PCDH15: variants seen among roughly 807,000 people sequenced by gnomAD.
The protein encoded by PCDH15 is protocadherin-15.
Under a neutral mutation model 178.5 loss-of-function variants are expected in PCDH15, and 129 were observed. The observed-to-expected ratio is 0.72, with a 90% CI of 0.63 to 0.84. The LOEUF is 0.84. PCDH15 is among the 40% of genes least tolerant of loss of function. The probability of loss-of-function intolerance (pLI) is 0.00; values close to 1 mark genes in which losing one functional copy is unlikely to be tolerated. For missense variants in PCDH15, 2,230 were observed against 2,099.9 expected (o/e 1.06, Z -1.21); for synonymous variants, 800 against 732.0 (o/e 1.09, Z -1.50).
intron 1 of PCDH15, among the ~76,000 whole-genome samples, chr10:55,289,717 G>T (rs1842961226): frequency 6.6e-6 from 1 of 151,976 alleles, no homozygotes; most frequent in Admixed American, 6.6e-5. Context: ...TGGTTTGAAT[G>T]TATCCCCCAA....
intron 12 of PCDH15, among the ~76,000 whole-genome samples, chr10:54,184,853 T>C (rs748764139): frequency 7.2e-5 from 11 of 152,060 alleles, no homozygotes; most frequent in Non-Finnish European, 1.5e-4. Context: ...TTTAAGACAA[T>C]TATGACTGTT....
chr10:55,266,595 A>T (rs900708230), intron 1 of PCDH15, among the ~76,000 whole-genome samples: 7 of 151,994 alleles, frequency 4.6e-5, no homozygotes, highest in African/African-American at 1.7e-4. Flanking sequence ...ACCTGTAAAA[A>T]CCCTGAGACC....
At chr10:54,092,231 C>G (rs112188156) in intron 15 of PCDH15, among the ~76,000 whole-genome samples, 9 of 152,092 alleles carry the variant, frequency 5.9e-5, no homozygotes. Flanking sequence ...CCAGATTTAC[C>G]TAAAATATCT....
intron 2 of PCDH15, among the ~76,000 whole-genome samples, chr10:54,962,234 T>C (rs1838675873): frequency 6.6e-6 from 1 of 150,462 alleles, no homozygotes; most frequent in African/African-American, 2.5e-5. Context: ...CAGACCTTGG[T>C]ATTCCCTAAG....
Position 53,806,653 on chromosome 10 carries a change from G to C in PCDH15, c.5149C>G (p.His1717Asp). 6.2e-7 allele frequency: 1 copy of C among 1,613,728 alleles called. No homozygotes were observed. Among genetic ancestry groups the C allele is most frequent in the Non-Finnish European group, 8.5e-7 (1 of 1,179,746 alleles). Residue 1717 changes from histidine to aspartate, a missense_variant, in exon 38 of 38, where the codon CAC becomes GAC. His to Asp is a moderately conservative substitution (Grantham distance 81). Coordinates refer to ENST00000644397, the MANE Select transcript of PCDH15 (RefSeq NM_001384140.1). ...IKEALEFHSD[H>D]TQSDDEELWM... ...AGCTCTTCATCATCAGACTGTGTGT[G>C]GTCACTATGAAATTCCAAAGCCTCC...
chr10:55,539,888 T>C (rs1004435786), intron 2 of PCDH15, among the ~76,000 whole-genome samples: 2 of 152,100 alleles, frequency 1.3e-5, no homozygotes, highest in Non-Finnish European at 2.9e-5. Flanking sequence ...TTTACAGATA[T>C]TAACTTAGTT....
chr10:54,036,535 T>C (rs574245169), intron 18 of PCDH15, among the ~76,000 whole-genome samples: 14 of 151,902 alleles, frequency 9.2e-5, no homozygotes, highest in Non-Finnish European at 1.9e-4. Flanking sequence ...GTTTACAGCA[T>C]AGTTTAGCAA....
chr10:53,834,860 A>G (rs556657412), intron 29 of PCDH15, among the ~76,000 whole-genome samples: 148 of 152,306 alleles, frequency 9.7e-4, no homozygotes, highest in African/African-American at 3.5e-3. Context: ...TGATACTGCA[A>G]TGTACATATG....
At chr10:55,460,151 A>G in intron 2 of PCDH15, among the ~76,000 whole-genome samples, 1 of 151,952 alleles carries the variant, frequency 6.6e-6, no homozygotes, top group Non-Finnish European at 1.5e-5. Context: ...ACCTGTTAAC[A>G]AAAGATATTG....
chr10:54,323,319 A>T (rs1436107330), intron 7 of PCDH15, among the ~76,000 whole-genome samples: 1 of 152,126 alleles, frequency 6.6e-6, no homozygotes, highest in Non-Finnish European at 1.5e-5. Context: ...TTCTCAAAGA[A>T]TTTAAAACCA....
Position 54,421,847 on chromosome 10 carries a change from C to CTATATA in PCDH15, c.158-42911_158-42906dup, listed in dbSNP as rs372564880. On this transcript the variant is annotated intron_variant, in intron 3 of 37. Coordinates refer to ENST00000644397, the MANE Select transcript of PCDH15 (RefSeq NM_001384140.1). ...ATATATATATATATATACACACACA[C>CTATATA]TATATATATATATATACACACACTA... 9.9e-3 allele frequency among the ~76,000 whole-genome samples: 923 copies of CTATATA among 93,482 alleles called. 26 individuals are homozygous for CTATATA. Among genetic ancestry groups the CTATATA allele is most frequent in the African/African-American group, 0.044 (736 of 16,842 alleles). 61.3% of individuals were successfully genotyped at this position (93,482 alleles called of 152,430 possible).
At chr10:54,316,832 C>T (rs2061306563) in intron 8 of PCDH15, among the ~76,000 whole-genome samples, 1 of 152,088 alleles carries the variant, frequency 6.6e-6, no homozygotes. Context: ...TTGTTAGCTC[C>T]TACCTTCAAA....
In PCDH15 at chr10:54,853,385, A is replaced by G. The variant is rs1591743332; in HGVS notation, c.-29+44065T>C. 1.1e-4 allele frequency among the ~76,000 whole-genome samples: 12 copies of G among 107,042 alleles called. No individual in the cohort carries two copies. In the Admixed American group the frequency reaches 1.3e-3, roughly 11 times the overall value. The allele number at this position is 107,042 out of a possible 152,430, so 70.2% of individuals were successfully genotyped here. Reference sequence around the variant, plus strand: ...CACACACATATATATATACACATACATACATATATATACACACACATATAT... The same window carrying G: ...CACACACATATATATATACACATACGTACATATATATACACACACATATAT... On this transcript the variant is annotated intron_variant, in intron 3 of 5. Coordinates refer to the PCDH15 transcript ENST00000458638.
intron 15 of PCDH15, among the ~76,000 whole-genome samples, chr10:54,090,739 A>G (rs1409842271): frequency 6.6e-6 from 1 of 152,116 alleles, no homozygotes; most frequent in Non-Finnish European, 1.5e-5. Context: ...ATATATCAAG[A>G]CAATAATTCA....
At chr10:54,822,526 A>G (rs1031524682) in intron 3 of PCDH15, among the ~76,000 whole-genome samples, 6 of 152,122 alleles carry the variant, frequency 3.9e-5, no homozygotes, top group African/African-American at 9.7e-5. Context: ...TTATTTATCT[A>G]TTCATCTTTT....
intron 2 of PCDH15, among the ~76,000 whole-genome samples, chr10:55,474,347 C>T (rs1840022175): frequency 6.6e-6 from 1 of 152,158 alleles, no homozygotes. Flanking sequence ...AAAAAAACTT[C>T]ATAAATACAA....
intron 2 of PCDH15, among the ~76,000 whole-genome samples, chr10:54,992,089 A>G (rs1839515139): frequency 6.6e-6 from 1 of 152,124 alleles, no homozygotes; most frequent in Non-Finnish European, 1.5e-5. Context: ...TATTTAAAAG[A>G]AAAAATAAAG....
At chr10:54,126,072 A>T (rs1159316216) in intron 15 of PCDH15, among the ~76,000 whole-genome samples, 41 of 139,178 alleles carry the variant, frequency 2.9e-4, no homozygotes, top group African/African-American at 6.7e-4. Flanking sequence ...AAGAATTACC[A>T]TTTTTTTTTT....
intron 1 of PCDH15, among the ~76,000 whole-genome samples, chr10:55,283,946 G>T (rs1842800097): frequency 6.6e-6 from 1 of 152,032 alleles, no homozygotes; most frequent in African/African-American, 2.4e-5. Flanking sequence ...TGTAAACTAT[G>T]CAAATCAAAA....
Sources: gnomAD v4.1 joint callset for allele counts (sites outside exome capture counted in the v4.1 genomes callset) on GRCh38, gnomAD v4.1.1 for gene constraint, MANE v1.5 for transcripts, NCBI Gene and HGNC (gene_info 2026-07-23, HGNC 2026-07-21) for gene names.